THOC2: variants seen among roughly 807,000 people sequenced by gnomAD.
THOC2 encodes THO complex 2.
A neutral mutation model predicts 128.4 loss-of-function variants in THOC2; 10 were observed. The ratio of observed to expected loss-of-function variants is 0.08; its 90% confidence interval spans 0.05 to 0.13. The LOEUF is 0.13. Among genes scored for constraint, THOC2 ranks in the 10% least tolerant of loss-of-function variants. The probability of loss-of-function intolerance (pLI) is 1.00; values close to 1 mark genes in which losing one functional copy is unlikely to be tolerated. For missense variants in THOC2, 535 were observed against 1,155.7 expected (o/e 0.46, Z 7.79); for synonymous variants, 393 against 396.9 (o/e 0.99, Z 0.12).
intron 1 of THOC2, among the ~76,000 whole-genome samples, chrX:123,714,096 A>G (rs915129553): frequency 1.8e-5 from 2 of 112,155 alleles, no homozygotes; most frequent in African/African-American, 3.2e-5. Context: ...GTAATAAAAT[A>G]TAAAGGAAGA....
intron 9 of THOC2, among the ~76,000 whole-genome samples, chrX:123,669,622 C>T (rs976525528): frequency 1.8e-5 from 2 of 111,317 alleles, no homozygotes; most frequent in Non-Finnish European, 1.9e-5. Context: ...GGCCATAGGT[C>T]CTTATCTTTT....
chrX:123,711,211 T>TC (rs1193945727), intron 2 of THOC2, among the ~76,000 whole-genome samples: 1 of 103,760 alleles, frequency 9.6e-6, no homozygotes, highest in Non-Finnish European at 2.0e-5. Flanking sequence ...GTTTTTTTTT[T>TC]GGTAGAGATG....
At chrX:123,703,567 CATA>C in intron 3 of THOC2, 62 bp from the exon 4 acceptor site, 1 of 732,952 alleles carries the variant, frequency 1.4e-6, no homozygotes, top group South Asian at 2.5e-5. Context: ...ATTAGGGTTT[CATA>C]ATAACACTCT....
chrX:123,723,598 T>A (rs2051804461), intron 1 of THOC2, among the ~76,000 whole-genome samples: 1 of 108,865 alleles, frequency 9.2e-6, no homozygotes, highest in African/African-American at 3.4e-5. Flanking sequence ...ACTATGAAAA[T>A]GAATGAACTA....
intron 5 of THOC2, among the ~76,000 whole-genome samples, chrX:123,697,156 G>GT (rs1394935818): frequency 9.0e-6 from 1 of 111,705 alleles, no homozygotes; most frequent in East Asian, 2.8e-4. Context: ...ACCTAATACA[G>GT]CACTTAATAG....
intron 1 of THOC2, among the ~76,000 whole-genome samples, chrX:123,720,311 G>A (rs2051634718): frequency 9.1e-6 from 1 of 110,258 alleles, no homozygotes; most frequent in Non-Finnish European, 1.9e-5. Context: ...AGCGGGTCAT[G>A]GTGGCACATC....
rs1466229193 is a variant in THOC2 at position 123,619,425 on chromosome X, G to A, written c.4287C>T (p.Ile1429=). The change falls in exon 33 of 39, where the codon ATC becomes ATT. Residue 1429 remains isoleucine, a synonymous_variant. Transcript: ENST00000245838. ...CCTTTGCTGAAGATTCCTTGAGTTC[G>A]ATGAGACTGTCCTGTAGAAAATGAA... ...SHSSTVKDSL[I]ELKESSAKLY... The A allele has an allele frequency of 3.3e-6, 4 of 1,199,691 alleles. No individual in the cohort carries two copies. Among genetic ancestry groups the A allele is most frequent in the Non-Finnish European group, 3.4e-6 (3 of 887,207 alleles).
At chrX:123,639,672 G>A (rs2047830277) in intron 16 of THOC2, among the ~76,000 whole-genome samples, 1 of 111,207 alleles carries the variant, frequency 9.0e-6, no homozygotes, top group Non-Finnish European at 1.9e-5. Context: ...AAGTGGGGTG[G>A]GGCAAGGTTT....
intron 1 of THOC2, among the ~76,000 whole-genome samples, chrX:123,713,175 A>G (rs1176636385): frequency 1.8e-5 from 2 of 112,399 alleles, no homozygotes; most frequent in African/African-American, 6.5e-5. Flanking sequence ...TGCTCATATT[A>G]CTAAAAGAGA....
chrX:123,705,585 T>C (rs1190687987), intron 3 of THOC2, among the ~76,000 whole-genome samples: 1 of 111,444 alleles, frequency 9.0e-6, no homozygotes, highest in Admixed American at 9.6e-5. Flanking sequence ...GAACTAATTC[T>C]GTTGTTATCA....
intron 2 of THOC2, among the ~76,000 whole-genome samples, chrX:123,711,958 T>TAAAAA (rs55916247): frequency 1.5e-4 from 7 of 46,841 alleles, no homozygotes; most frequent in African/African-American, 3.6e-4. Flanking sequence ...CTGTCTACTT[T>TAAAAA]AAAAAAAAAA....
chrX:123,618,706 A>T (rs1292423604), intron 33 of THOC2, among the ~76,000 whole-genome samples: 1 of 112,092 alleles, frequency 8.9e-6, no homozygotes, highest in Non-Finnish European at 1.9e-5. Context: ...AACAATGGAC[A>T]ATTCAAGTAT....
intron 1 of THOC2, among the ~76,000 whole-genome samples, chrX:123,719,059 TC>T (rs1245319976): frequency 9.2e-6 from 1 of 108,154 alleles, no homozygotes; most frequent in Non-Finnish European, 1.9e-5. Flanking sequence ...GCGCCTGTAG[TC>T]CCAGCTACTC....
At chrX:123,657,270 CAT>C (rs768732747) in intron 12 of THOC2, among the ~76,000 whole-genome samples, 1 of 109,759 alleles carries the variant, frequency 9.1e-6, no homozygotes, top group Admixed American at 9.9e-5. Flanking sequence ...AAAACTGTAA[CAT>C]ATGCATAATG....
chrX:123,658,182 A>G (rs1294942788), intron 12 of THOC2, among the ~76,000 whole-genome samples: 2 of 111,591 alleles, frequency 1.8e-5, no homozygotes, highest in Non-Finnish European at 3.8e-5. Flanking sequence ...AAACTTAACC[A>G]AAAATGGGCC....
intron 8 of THOC2, among the ~76,000 whole-genome samples, chrX:123,675,698 GA>G (rs2049460982): frequency 9.0e-6 from 1 of 110,961 alleles, no homozygotes; most frequent in African/African-American, 3.3e-5. Flanking sequence ...CAACTATGGA[GA>G]TTAGATTCTT....
chrX:123,628,786 T>C (rs751612188), intron 22 of THOC2, among the ~76,000 whole-genome samples: 4 of 110,304 alleles, frequency 3.6e-5, no homozygotes, highest in Non-Finnish European at 5.7e-5. Context: ...TTAAGACTGC[T>C]AAGTAGGGTG....
At chrX:123,721,469 G>A (rs2051692700) in intron 1 of THOC2, among the ~76,000 whole-genome samples, 1 of 107,992 alleles carries the variant, frequency 9.3e-6, no homozygotes, top group Non-Finnish European at 1.9e-5. Context: ...CACTGTGCCT[G>A]GGCAAGCATG....
chrX:123,634,831 C>T (rs940948411), intron 19 of THOC2, among the ~76,000 whole-genome samples: 1 of 111,739 alleles, frequency 8.9e-6, no homozygotes, highest in African/African-American at 3.3e-5. Flanking sequence ...TAGTGGCCAG[C>T]CCAGAGCACA....
Sources: allele counts gnomAD v4.1 joint callset (sites outside exome capture counted in the v4.1 genomes callset), GRCh38; gene constraint gnomAD v4.1.1; transcripts MANE v1.5; gene names NCBI Gene and HGNC (gene_info 2026-07-23, HGNC 2026-07-21).